The following CHST11 variants were observed in gnomAD, a reference collection of about 807,000 sequenced individuals.
The protein encoded by CHST11 is C4S-1.
A neutral mutation model predicts 30.4 loss-of-function variants in CHST11; 9 were observed. The observed-to-expected ratio is 0.30, with a 90% confidence interval of 0.18 to 0.52. The LOEUF is 0.52. CHST11 is among the 20% of genes least tolerant of loss of function. The pLI, the probability that CHST11 is intolerant of heterozygous loss-of-function variation, is 0.97. For missense variants in CHST11, 348 were observed against 460.6 expected (o/e 0.76, Z 2.24); for synonymous variants, 152 against 187.8 (o/e 0.81, Z 1.56).
At chr12:104,508,630 G>A (rs1007852860) in intron 1 of CHST11, among the ~76,000 whole-genome samples, 7 of 152,150 alleles carry the variant, frequency 4.6e-5, no homozygotes, top group Non-Finnish European at 8.8e-5. Flanking sequence ...AGGAAATCTT[G>A]ACCATTTTCC....
At chr12:104,603,597 T>C (rs2038977211) in intron 2 of CHST11, among the ~76,000 whole-genome samples, 1 of 152,216 alleles carries the variant, frequency 6.6e-6, no homozygotes, top group Admixed American at 6.5e-5. Flanking sequence ...GAGTTATCTT[T>C]AGGGGTCAGT....
intron 1 of CHST11, among the ~76,000 whole-genome samples, chr12:104,477,891 A>G (rs1051169639): frequency 3.3e-5 from 5 of 152,186 alleles, no homozygotes; most frequent in South Asian, 4.1e-4. Flanking sequence ...TGTGCACTCA[A>G]TTGTCCTCAA....
chr12:104,554,100 G>A (rs541783607), intron 1 of CHST11, among the ~76,000 whole-genome samples: 13 of 152,208 alleles, frequency 8.5e-5, no homozygotes, highest in South Asian at 2.1e-4. Context: ...CACAAGGGAC[G>A]TTATAATCTT....
At chr12:104,601,153 A>T (rs956848885) in intron 1 of CHST11, among the ~76,000 whole-genome samples, 1 of 151,722 alleles carries the variant, frequency 6.6e-6, no homozygotes. Context: ...ACAAATAATG[A>T]TCAAGCCCAT....
At chr12:104,574,204 G>A (rs1040137020) in intron 1 of CHST11, among the ~76,000 whole-genome samples, 38 of 152,120 alleles carry the variant, frequency 2.5e-4, no homozygotes, top group South Asian at 6.2e-4. Flanking sequence ...TAAAAAGTCC[G>A]GAAACAACAG....
At chr12:104,537,644 AATAATACAG>A (rs2038249310) in intron 1 of CHST11, among the ~76,000 whole-genome samples, 1 of 152,078 alleles carries the variant, frequency 6.6e-6, no homozygotes, top group African/African-American at 2.4e-5. Flanking sequence ...AAGTTGTGAA[AATAATACAG>A]ATAATATAGT....
At chr12:104,499,361 G>A (rs1255518011) in intron 1 of CHST11, among the ~76,000 whole-genome samples, 1 of 151,848 alleles carries the variant, frequency 6.6e-6, no homozygotes. Context: ...TGTACCTCCT[G>A]GTCCCCTGCC....
chr12:104,500,247 C>T lies in CHST11; in HGVS notation c.118+42718C>T, dbSNP rs560768107. On this transcript the variant is annotated intron_variant, in intron 1 of 2. Coordinates refer to ENST00000303694, the MANE Select transcript of CHST11 (RefSeq NM_018413.6). ...TATATCTGAGCTCTCATTTTATTTT[C>T]GTAACATATAATATTGCCTCTCCTC... Among the ~76,000 whole-genome samples the T allele has an allele frequency of 3.3e-5, 5 of 152,236 alleles. No homozygotes were observed. In the East Asian group the frequency reaches 5.8e-4, roughly 18 times the overall value.
chr12:104,725,554 G>A (rs1343680590), intron 2 of CHST11, among the ~76,000 whole-genome samples: 2 of 148,550 alleles, frequency 1.3e-5, no homozygotes, highest in Non-Finnish European at 3.0e-5. Flanking sequence ...TGCCTCCCCT[G>A]TGTCTCCTCC....
At chr12:104,746,780 G>A (rs1225502749) in intron 2 of CHST11, among the ~76,000 whole-genome samples, 4 of 152,136 alleles carry the variant, frequency 2.6e-5, no homozygotes, top group African/African-American at 4.8e-5. Context: ...AGACCAGATC[G>A]TTTCTTTAAA....
chr12:104,725,477 A>C (rs528362162), intron 2 of CHST11, among the ~76,000 whole-genome samples: 58 of 152,006 alleles, frequency 3.8e-4, no homozygotes, highest in African/African-American at 1.4e-3. Context: ...GTTCCTTTCA[A>C]ATTCAAAAGT....
intron 2 of CHST11, among the ~76,000 whole-genome samples, chr12:104,695,728 G>A (rs2136110133): frequency 6.6e-6 from 1 of 152,208 alleles, no homozygotes; most frequent in Non-Finnish European, 1.5e-5. Flanking sequence ...CAGAAATGGG[G>A]GCGGGGGAAA....
chr12:104,625,146 G>A (rs1241291232), intron 2 of CHST11, among the ~76,000 whole-genome samples: 2 of 152,190 alleles, frequency 1.3e-5, no homozygotes, highest in East Asian at 3.8e-4. Flanking sequence ...TGACTAAGCA[G>A]CTATGCAAAA....
At chr12:104,693,348 C>T (rs2039915417) in intron 2 of CHST11, among the ~76,000 whole-genome samples, 2 of 152,204 alleles carry the variant, frequency 1.3e-5, no homozygotes, top group African/African-American at 4.8e-5. Context: ...AACCCAGAGG[C>T]CATGCTCTTA....
At chr12:104,723,514 G>C (rs2040194681) in intron 2 of CHST11, among the ~76,000 whole-genome samples, 1 of 152,224 alleles carries the variant, frequency 6.6e-6, no homozygotes, top group African/African-American at 2.4e-5. Context: ...CCCTGTTTTA[G>C]TTTTATTGTT....
At chr12:104,623,599 A>G (rs941960349) in intron 2 of CHST11, among the ~76,000 whole-genome samples, 1 of 151,966 alleles carries the variant, frequency 6.6e-6, no homozygotes, top group Non-Finnish European at 1.5e-5. Context: ...AATCCCAGCT[A>G]CTCGGGAGGC....
intron 2 of CHST11, among the ~76,000 whole-genome samples, chr12:104,702,565 C>T (rs570180500): frequency 6.6e-6 from 1 of 152,146 alleles, no homozygotes; most frequent in East Asian, 1.9e-4. Flanking sequence ...GGGAGGACTG[C>T]ACCCAGCTGA....
intron 2 of CHST11, among the ~76,000 whole-genome samples, chr12:104,735,106 G>T (rs2040290010): frequency 6.6e-6 from 1 of 152,188 alleles, no homozygotes. Context: ...CAGAGGTAGG[G>T]ATCTATGGGT....
intron 1 of CHST11, among the ~76,000 whole-genome samples, chr12:104,523,550 C>A (rs973934545): frequency 1.3e-5 from 2 of 152,204 alleles, no homozygotes; most frequent in Non-Finnish European, 2.9e-5. Context: ...GATTCTGTGA[C>A]CTTCAGCAAG....
Sources: allele counts gnomAD v4.1 joint callset (sites outside exome capture counted in the v4.1 genomes callset), GRCh38; gene constraint gnomAD v4.1.1; transcripts MANE v1.5; gene names NCBI Gene and HGNC (gene_info 2026-07-23, HGNC 2026-07-21).